COXFA4: variants seen among roughly 807,000 people sequenced by gnomAD.
COXFA4 encodes cytochrome c oxidase subunit FA4.
chr7:10,934,164 A>G, the COXFA4 span, among the ~76,000 whole-genome samples: 3 of 152,046 alleles, frequency 2.0e-5, no homozygotes, highest in Non-Finnish European at 4.4e-5. Flanking sequence ...TAGTAATATA[A>G]GGTACTGCTT....
chr7:10,939,997 A>G, the COXFA4 span: 1 of 1,613,784 alleles, frequency 6.2e-7, no homozygotes. Context: ...AAACATTAGG[A>G]GAGCGGTCAC....
the COXFA4 span, chr7:10,938,602 CA>C: frequency 1.9e-6 from 1 of 517,372 alleles, no homozygotes; most frequent in Non-Finnish European, 3.5e-6. Flanking sequence ...TCTACTTTAC[CA>C]AAGAGAAAAC....
chr7:10,935,479 T>C, the COXFA4 span, among the ~76,000 whole-genome samples: 1 of 152,222 alleles, frequency 6.6e-6, no homozygotes, highest in Non-Finnish European at 1.5e-5. Context: ...GATTATAGCA[T>C]GGCAACAAAT....
the COXFA4 span, chr7:10,933,322 G>C: frequency 2.0e-5 from 6 of 303,134 alleles, no homozygotes; most frequent in South Asian, 2.0e-4. Context: ...ACACAAAATG[G>C]AAGTGTTTTA....
the COXFA4 span, chr7:10,938,171 C>T: frequency 6.3e-7 from 1 of 1,597,404 alleles, no homozygotes; most frequent in African/African-American, 1.3e-5. Flanking sequence ...AACATTACGA[C>T]TGTTATAATA....
chr7:10,934,694 C>T, the COXFA4 span, among the ~76,000 whole-genome samples: 10 of 151,938 alleles, frequency 6.6e-5, no homozygotes, highest in African/African-American at 9.7e-5. Flanking sequence ...CAAATATACC[C>T]GAACTTATTT....
chr7:10,936,250 T>C, the COXFA4 span, among the ~76,000 whole-genome samples: 1 of 152,240 alleles, frequency 6.6e-6, no homozygotes, highest in Non-Finnish European at 1.5e-5. Context: ...CAGACTCTGC[T>C]ATCAGTGTCA....
the COXFA4 span, chr7:10,940,055 C>G: frequency 1.9e-6 from 3 of 1,613,770 alleles, no homozygotes; most frequent in South Asian, 1.1e-5. Context: ...TCTGGCGGAG[C>G]ATGTTTGCGG....
At chr7:10,937,290 GT>G in the COXFA4 span, among the ~76,000 whole-genome samples, 495 of 144,876 alleles carry the variant, frequency 3.4e-3, 5 homozygotes, top group African/African-American at 4.0e-3. Context: ...GGTTTTTTGG[GT>G]TTTTTTTTTT....
At chr7:10,935,771 G>C in the COXFA4 span, among the ~76,000 whole-genome samples, 1 of 152,178 alleles carries the variant, frequency 6.6e-6, no homozygotes, top group Non-Finnish European at 1.5e-5. Context: ...TAAGCCACCT[G>C]GTCTACAGTA....
the COXFA4 span, chr7:10,933,693 C>T: frequency 4.4e-6 from 7 of 1,605,568 alleles, no homozygotes; most frequent in Non-Finnish European, 6.0e-6. Flanking sequence ...CTGAGTAGAA[C>T]TTGGAACAGA....
At chr7:10,937,894 A>G in the COXFA4 span, 7 of 589,878 alleles carry the variant, frequency 1.2e-5, no homozygotes, top group African/African-American at 1.1e-4. Flanking sequence ...CTTTTCTTAT[A>G]CTAGCAATTA....
the COXFA4 span, among the ~76,000 whole-genome samples, chr7:10,936,933 G>C: frequency 5.3e-3 from 812 of 152,216 alleles, 8 homozygotes; most frequent in African/African-American, 0.019. Flanking sequence ...CTACTCAGGA[G>C]AGTGAGGCAA....
the COXFA4 span, chr7:10,931,987 T>G: frequency 6.6e-6 from 1 of 152,202 alleles, no homozygotes; most frequent in Non-Finnish European, 1.5e-5. Flanking sequence ...TGCTTAATGT[T>G]TTTCAATTAC....
chr7:10,940,113 C>T, the COXFA4 span: 6 of 1,570,140 alleles, frequency 3.8e-6, no homozygotes, highest in Non-Finnish European at 5.2e-6. Flanking sequence ...CCACCAGGCC[C>T]TAAGCTAAAA....
At chr7:10,940,082 G>A in the COXFA4 span, 3 of 1,612,714 alleles carry the variant, frequency 1.9e-6, no homozygotes, top group African/African-American at 2.7e-5. Flanking sequence ...TCTCCGACTG[G>A]AAAGGAGAGA....
the COXFA4 span, chr7:10,933,525 A>C: frequency 1.3e-6 from 1 of 794,776 alleles, no homozygotes; most frequent in Non-Finnish European, 2.1e-6. Context: ...GATCTCCAAC[A>C]TGATTTCATG....
chr7:10,933,428 T>C, the COXFA4 span: 2 of 552,884 alleles, frequency 3.6e-6, no homozygotes, highest in Admixed American at 3.3e-5. Flanking sequence ...GTTCAGAGCA[T>C]ACTTTCAGCA....
the COXFA4 span, chr7:10,937,954 C>T: frequency 1.4e-6 from 1 of 703,926 alleles, no homozygotes; most frequent in East Asian, 2.6e-5. Flanking sequence ...TTTCATTTCA[C>T]AGAACTACCT....
Sources: allele counts gnomAD v4.1 joint callset (sites outside exome capture counted in the v4.1 genomes callset), GRCh38; gene constraint gnomAD v4.1.1; transcripts MANE v1.5; gene names NCBI Gene and HGNC (gene_info 2026-07-23, HGNC 2026-07-21).